RIMBP2: variants seen among roughly 807,000 people sequenced by gnomAD.
The protein encoded by RIMBP2 is RIMS-binding protein 2.
In RIMBP2, 48 loss-of-function variants were observed where a neutral mutation model predicts 118.6. That is an observed-to-expected ratio of 0.40 (90% CI 0.32 to 0.51). The LOEUF is 0.51. Ranked by LOEUF, RIMBP2 falls within the 20% of genes least tolerant of loss-of-function variation. RIMBP2 has a pLI of 0.41. For missense variants in RIMBP2, 1,551 were observed against 1,768.3 expected (o/e 0.88, Z 2.20); for synonymous variants, 762 against 742.9 (o/e 1.03, Z -0.42).
chr12:130,492,110 T>C (rs78680198), intron 4 of RIMBP2, among the ~76,000 whole-genome samples: 4,778 of 152,250 alleles, frequency 0.031, 276 homozygotes, highest in African/African-American at 0.11. Flanking sequence ...CGGTGACACT[T>C]TGAATGTCAC....
intron 13 of RIMBP2, 63 bp downstream of exon 13, chr12:130,436,779 C>G: frequency 7.8e-7 from 1 of 1,280,444 alleles, no homozygotes; most frequent in South Asian, 2.3e-5. Flanking sequence ...GGGGAGATTA[C>G]AGGGCCCCGT....
chr12:130,501,538 T>G (rs1309687676), intron 4 of RIMBP2, among the ~76,000 whole-genome samples: 1 of 152,254 alleles, frequency 6.6e-6, no homozygotes, highest in African/African-American at 2.4e-5. Context: ...ACCATTGCCA[T>G]GGCAACGTCC....
intron 1 of RIMBP2, among the ~76,000 whole-genome samples, chr12:130,649,923 A>C (rs2063157484): frequency 6.6e-6 from 1 of 152,230 alleles, no homozygotes; most frequent in South Asian, 2.1e-4. Flanking sequence ...CCATAGGCTC[A>C]GGAGACTCCA....
intron 10 of RIMBP2, among the ~76,000 whole-genome samples, chr12:130,444,394 A>C (rs1441296882): frequency 2.6e-5 from 4 of 152,164 alleles, no homozygotes; most frequent in Non-Finnish European, 4.4e-5. Context: ...ATCAGCTCCG[A>C]GAAAACAGCA....
intron 2 of RIMBP2, among the ~76,000 whole-genome samples, chr12:130,571,866 G>T (rs913506786): frequency 6.6e-6 from 1 of 152,044 alleles, no homozygotes; most frequent in African/African-American, 2.4e-5. Context: ...ACACACCCAG[G>T]GAGCCCACCT....
chr12:130,408,603 G>A (rs769687025), intron 19 of RIMBP2, among the ~76,000 whole-genome samples: 2 of 152,186 alleles, frequency 1.3e-5, no homozygotes, highest in Non-Finnish European at 1.5e-5. Flanking sequence ...ACAGATAACA[G>A]GTGAACACTC....
At chr12:130,458,547 G>A (rs1351155095) in intron 6 of RIMBP2, among the ~76,000 whole-genome samples, 2 of 152,186 alleles carry the variant, frequency 1.3e-5, no homozygotes, top group Non-Finnish European at 2.9e-5. Flanking sequence ...GCCACTGCCC[G>A]CTGCAGGCAA....
intron 1 of RIMBP2, among the ~76,000 whole-genome samples, chr12:130,698,801 G>A (rs1252996705): frequency 4.3e-4 from 65 of 152,054 alleles, no homozygotes; most frequent in Non-Finnish European, 6.8e-4. Flanking sequence ...GCAACCTATA[G>A]AATGGGAGAA....
chr12:130,515,244 T>C (rs2051326567), intron 3 of RIMBP2, among the ~76,000 whole-genome samples: 1 of 152,148 alleles, frequency 6.6e-6, no homozygotes. Context: ...TCTTAACTAT[T>C]TTACATGTAG....
intron 2 of RIMBP2, among the ~76,000 whole-genome samples, chr12:130,593,387 G>T (rs987860577): frequency 3.2e-4 from 48 of 152,250 alleles, no homozygotes; most frequent in African/African-American, 9.9e-4. Context: ...CCCGCACAGG[G>T]AAGACGCTTG....
intron 5 of RIMBP2, among the ~76,000 whole-genome samples, chr12:130,478,544 G>A (rs2081641819): frequency 6.6e-6 from 1 of 152,188 alleles, no homozygotes; most frequent in Admixed American, 6.5e-5. Context: ...CGTCCAGGAT[G>A]GGGGTGGCAG....
chr12:130,534,898 A>G (rs2053851986), intron 2 of RIMBP2, among the ~76,000 whole-genome samples: 1 of 152,246 alleles, frequency 6.6e-6, no homozygotes, highest in African/African-American at 2.4e-5. Context: ...AGCTCCAGCT[A>G]GCTGTGGTCC....
intron 1 of RIMBP2, among the ~76,000 whole-genome samples, chr12:130,713,360 G>A (rs1950103003): frequency 6.6e-6 from 1 of 152,178 alleles, no homozygotes; most frequent in Admixed American, 6.5e-5. Context: ...GTCCTCAGCT[G>A]GTTGCCCTTT....
intron 1 of RIMBP2, among the ~76,000 whole-genome samples, chr12:130,632,938 G>A (rs1318980849): frequency 6.6e-6 from 1 of 152,158 alleles, no homozygotes; most frequent in African/African-American, 2.4e-5. Flanking sequence ...TAAAACACCG[G>A]CCACCTGCTC....
At chr12:130,595,189 T>A (rs2059480316) in intron 2 of RIMBP2, among the ~76,000 whole-genome samples, 1 of 152,204 alleles carries the variant, frequency 6.6e-6, no homozygotes, top group Non-Finnish European at 1.5e-5. Flanking sequence ...CTCACACCCA[T>A]GAGATTGAAC....
Position 130,691,261 on chromosome 12 carries a change from G to A in RIMBP2, c.-352+24961C>T, listed in dbSNP as rs141916984. On this transcript the variant is annotated intron_variant, in intron 1 of 22. Transcript: ENST00000690449. ...ACGCTGACCACAGCAACGGCTTCCT[G>A]GGAGTCAGTGAAGGCCCAGCGGAAC... 3.0e-3 allele frequency among the ~76,000 whole-genome samples: 457 copies of A among 152,300 alleles called. 3 individuals carry two copies. Among genetic ancestry groups the A allele is most frequent in the Non-Finnish European group, 1.1e-3 (74 of 68,030 alleles).
intron 14 of RIMBP2, chr12:130,430,625 A>ATTTTTTTTTTTT (rs11392769): frequency 1.1e-5 from 1 of 92,928 alleles, no homozygotes; most frequent in Non-Finnish European, 1.9e-5. Context: ...TGGGACAGTC[A>ATTTTTTTTTTTT]TTTTTTTTTT....
At chr12:130,517,781 G>C (rs67167059) in intron 3 of RIMBP2, 47 bp downstream of exon 3, 29,825 of 830,348 alleles carry the variant, frequency 0.036, 798 homozygotes, top group South Asian at 0.14. Flanking sequence ...GGCCCAGCCC[G>C]CTCCCTCCAG....
At chr12:130,667,124 AAGGAAGG>A (rs2063979426) in intron 1 of RIMBP2, among the ~76,000 whole-genome samples, 8 of 55,182 alleles carry the variant, frequency 1.4e-4, no homozygotes, top group South Asian at 6.4e-4. Flanking sequence ...TGAGGGAGGG[AAGGAAGG>A]AGAGAGGGAG....
Sources: gnomAD v4.1 joint callset for allele counts (sites outside exome capture counted in the v4.1 genomes callset) on GRCh38, gnomAD v4.1.1 for gene constraint, MANE v1.5 for transcripts, NCBI Gene and HGNC (gene_info 2026-07-23, HGNC 2026-07-21) for gene names.